CEP290: variants seen among roughly 807,000 people sequenced by gnomAD.
CEP290 encodes the protein centrosomal protein of 290 kDa.
In CEP290, 317 loss-of-function variants were observed where a neutral mutation model predicts 344.9. That is an observed-to-expected ratio of 0.92 (90% CI 0.84 to 1.01). The LOEUF (loss-of-function observed/expected upper bound fraction) is 1.01. CEP290 is among the 50% of genes least tolerant of loss of function. The pLI is 0.00. For synonymous variants in CEP290, 932 were observed against 895.8 expected (o/e 1.04, Z -0.72); for missense variants, 2,754 against 2,761.4 (o/e 1.00, Z 0.06).
At chr12:88,083,277 C>G in intron 36 of CEP290, 47 bp from the exon 37 acceptor site, 1 of 1,013,330 alleles carries the variant, frequency 9.9e-7, no homozygotes. Context: ...AATTCAATGC[C>G]ATACTTATTC....
chr12:88,116,953 G>A lies in CEP290; in HGVS notation c.1824+80C>T, dbSNP rs538245551. On this transcript the variant is annotated intron_variant, in intron 18 of 53. Transcript: ENST00000552810. ...CGCGCCACTGCACTCCAGCCTGGGAGACAGAGCGAGACTCCGTCTCAAAAA... is the reference window on the plus strand; with the variant it reads ...CGCGCCACTGCACTCCAGCCTGGGAAACAGAGCGAGACTCCGTCTCAAAAA... 8.8e-5 allele frequency: 60 copies of A among 683,646 alleles called. No individual in the cohort carries two copies. The African/African-American group carries it at 9.5e-4, about 11-fold the overall frequency. 42.3% of individuals were successfully genotyped at this position (683,646 alleles called of 1,614,324 possible).
At chr12:88,085,352 G>A (rs949027758) in intron 34 of CEP290, among the ~76,000 whole-genome samples, 22 of 151,988 alleles carry the variant, frequency 1.4e-4, no homozygotes, top group Middle Eastern at 6.8e-3. Flanking sequence ...CTCTTCAAGA[G>A]GATTAAGGTG....
intron 40 of CEP290, 75 bp from the exon 41 acceptor site, chr12:88,077,419 AT>A (rs2035861233): frequency 5.0e-6 from 5 of 999,040 alleles, no homozygotes; most frequent in Admixed American, 3.1e-5. Flanking sequence ...TTTCAATTAT[AT>A]AATAGCAACT....
intron 13 of CEP290, 142 bp from the exon 14 acceptor site, chr12:88,121,308 GT>G: frequency 3.1e-6 from 2 of 647,074 alleles, no homozygotes; most frequent in Non-Finnish European, 5.1e-6. Flanking sequence ...TAAGATGAAA[GT>G]TTTGTTTTGG....
At chr12:88,097,052 C>A in intron 26 of CEP290, 53 bp from the exon 27 acceptor site, 1 of 867,120 alleles carries the variant, frequency 1.2e-6, no homozygotes, top group Non-Finnish European at 1.8e-6. Flanking sequence ...CAGACCAATA[C>A]CACAAAATGA....
intron 23 of CEP290, among the ~76,000 whole-genome samples, chr12:88,107,627 TAAG>T (rs926537092): frequency 3.3e-4 from 47 of 144,006 alleles, no homozygotes; most frequent in South Asian, 2.6e-3. Flanking sequence ...AAAAAAAAAA[TAAG>T]AAGAAGTATG....
intron 49 of CEP290, 64 bp downstream of exon 49, chr12:88,058,783 CT>C: frequency 6.5e-7 from 1 of 1,533,224 alleles, no homozygotes; most frequent in Non-Finnish European, 8.9e-7. Flanking sequence ...ATAGTGTTGT[CT>C]TTTAAAACAA....
intron 13 of CEP290, among the ~76,000 whole-genome samples, chr12:88,124,586 GTA>G (rs898527990): frequency 1.3e-5 from 2 of 150,720 alleles, no homozygotes; most frequent in Admixed American, 6.6e-5. Flanking sequence ...GTGTATATAT[GTA>G]TATATATATG....
At chr12:88,130,680 T>C in intron 7 of CEP290, 115 bp from the exon 8 acceptor site, 1 of 714,334 alleles carries the variant, frequency 1.4e-6, no homozygotes, top group Non-Finnish European at 2.2e-6. Flanking sequence ...ATGCATATTA[T>C]CTTGAATAAC....
At chr12:88,075,546 A>G (rs901895644) in intron 41 of CEP290, among the ~76,000 whole-genome samples, 1 of 152,130 alleles carries the variant, frequency 6.6e-6, no homozygotes, top group Admixed American at 6.6e-5. Context: ...TAATAAAAAA[A>G]GAAAAAAAAA....
In CEP290 at chr12:88,128,951, A is replaced by G; in HGVS notation, c.937T>C (p.Trp313Arg). The change falls in exon 11 of 54, where the codon TGG becomes CGG. Residue 313 changes from tryptophan to arginine, a missense_variant. Physicochemically the swap from Trp to Arg is moderately radical, Grantham distance 101. Transcript: ENST00000552810. ...TGTCAATTGAAAAAAAATACCTTCCATTCTTCTACTTTTGCATTGACAGCT... is the reference window on the plus strand; with the variant it reads ...TGTCAATTGAAAAAAAATACCTTCCGTTCTTCTACTTTTGCATTGACAGCT... ...MVAVNAKVEE[W>R]KLILSSKDDE... 6.6e-7 allele frequency: 1 copy of G among 1,512,110 alleles called. No individual in the cohort carries two copies. The allele number at this position is 1,512,110 out of a possible 1,614,324, so 93.7% of individuals were successfully genotyped here. A position where few individuals can be genotyped will look rare whatever the true frequency, so the allele number is the denominator to read the frequency against.
At position 88,068,626 on chromosome 12, in the gene CEP290, G is replaced by A. The variant is rs750073051; in HGVS notation, c.6031C>T (p.Arg2011Ter). The change falls in exon 44 of 54, where the codon CGA becomes TGA. Residue 2011 changes from arginine to a stop codon, truncating the protein, a stop_gained. Transcript: ENST00000552810. LOFTEE classifies it high-confidence loss of function. ...LYMRAHQALP[R>*]DSVVEDLHLQ... ...TGTAAATCTTCTACAACAGAATCTC[G>A]AGGAAGAGCTTGGTGGGCCCTATGA... is the stretch of plus-strand genomic sequence containing the variant. 19 of 1,593,038 alleles carry A rather than the reference G, an allele frequency of 1.2e-5. No homozygotes were observed. The highest frequency in any genetic ancestry group is 2.3e-5 in the East Asian group (1 of 43,740).
intron 15 of CEP290, 109 bp downstream of exon 15, chr12:88,120,005 T>G (rs1048239833): frequency 9.5e-6 from 6 of 631,808 alleles, no homozygotes; most frequent in Non-Finnish European, 1.5e-5. Context: ...TAAAAGCATT[T>G]GAAAAAAGCA....
chr12:88,055,512 T>C lies in CEP290; in HGVS notation c.6960+64A>G, dbSNP rs76663684. The C allele has an allele frequency of 9.8e-3, 13,708 of 1,401,012 alleles. 1,146 individuals are homozygous for C. The African/African-American group carries it at 0.18, about 18-fold the overall frequency. 86.8% of individuals were successfully genotyped at this position (1,401,012 alleles called of 1,614,324 possible). On this transcript the variant is annotated intron_variant, in intron 50 of 53. Coordinates refer to ENST00000552810, the MANE Select transcript of CEP290 (RefSeq NM_025114.4). ...GTCCATTTTTATCTATATAAGACAA[T>C]GCAAGGAACATCTTGCGATATTATG...
chr12:88,126,257 G>A (rs752969602), intron 12 of CEP290, 59 bp downstream of exon 12: 243 of 1,333,042 alleles, frequency 1.8e-4, no homozygotes, highest in Middle Eastern at 5.7e-4. Flanking sequence ...AAAAGACATC[G>A]TTCAGAGTTC....
At chr12:88,139,604 C>A in intron 3 of CEP290, 40 bp from the exon 4 acceptor site, 1 of 1,375,076 alleles carries the variant, frequency 7.3e-7, no homozygotes, top group South Asian at 1.9e-5. Context: ...TGCCTTTATA[C>A]TGGAATGTAA....
At chr12:88,084,513 G>C (rs1353157703) in intron 35 of CEP290, 73 bp downstream of exon 35, 14 of 1,290,648 alleles carry the variant, frequency 1.1e-5, no homozygotes, top group Non-Finnish European at 1.5e-5. Flanking sequence ...TACCACTTTA[G>C]GGTAAAATAA....
intron 47 of CEP290, 148 bp from the exon 48 acceptor site, chr12:88,060,168 G>A: frequency 1.4e-6 from 1 of 708,140 alleles, no homozygotes; most frequent in Non-Finnish European, 2.2e-6. Flanking sequence ...ATATTAGTGA[G>A]AACGAAGTTC....
intron 42 of CEP290, among the ~76,000 whole-genome samples, 152 bp from the exon 43 acceptor site, chr12:88,071,601 A>G (rs2035381244): frequency 2.0e-5 from 3 of 152,154 alleles, no homozygotes; most frequent in Admixed American, 6.6e-5. Context: ...TCCATCTATA[A>G]TTGTTACAAT....
Sources: gnomAD v4.1 joint callset for allele counts (sites outside exome capture counted in the v4.1 genomes callset) on GRCh38, gnomAD v4.1.1 for gene constraint, MANE v1.5 for transcripts, NCBI Gene and HGNC (gene_info 2026-07-23, HGNC 2026-07-21) for gene names.